The following NDST4 variants were observed in gnomAD, a reference collection of about 807,000 sequenced individuals.
NDST4 encodes N-heparan sulfate sulfotransferase 4.
In NDST4, 63 loss-of-function variants were observed where a neutral mutation model predicts 100.8. That is an observed-to-expected ratio of 0.62 (90% CI 0.51 to 0.77). The LOEUF is 0.77. Among genes scored for constraint, NDST4 ranks in the 30% least tolerant of loss-of-function variants. The pLI, the probability that NDST4 is intolerant of heterozygous loss-of-function variation, is 0.00. For missense variants in NDST4, 943 were observed against 1,018.4 expected, an observed-to-expected ratio of 0.93 and a Z score of 1.01; for synonymous variants, 377 against 361.8, an observed-to-expected ratio of 1.04 and a Z score of -0.48.
In NDST4 at chr4:114,841,615, C is replaced by A. The variant is rs552615072; in HGVS notation, c.2116-2067G>T. On this transcript the variant is annotated intron_variant, in intron 10 of 13. Transcript: ENST00000264363. ...ACTTAAATCTGCTCTAGATAGTGAC[C>A]ATGCTTTCTGCTAGGGAAATGTTTA... Among the ~76,000 whole-genome samples the A allele has an allele frequency of 2.0e-5, 3 of 152,236 alleles. No homozygotes were observed. The East Asian group carries it at 5.8e-4, about 29-fold the overall frequency.
At chr4:115,075,784 GAAAAAAA>G (rs56658909) in intron 2 of NDST4, among the ~76,000 whole-genome samples, 1 of 87,438 alleles carries the variant, frequency 1.1e-5, no homozygotes, top group Non-Finnish European at 2.0e-5. Context: ...AGTCTGTTCA[GAAAAAAA>G]AAAAAAAAAA....
intron 4 of NDST4, among the ~76,000 whole-genome samples, chr4:114,945,413 A>C (rs1018620269): frequency 1.3e-5 from 2 of 152,082 alleles, no homozygotes; most frequent in African/African-American, 4.8e-5. Context: ...TCCAGGAACT[A>C]TGGCTTGTAA....
intron 2 of NDST4, among the ~76,000 whole-genome samples, chr4:115,023,831 G>A (rs777305140): frequency 3.9e-5 from 6 of 152,080 alleles, no homozygotes; most frequent in Non-Finnish European, 7.4e-5. Flanking sequence ...TTTTATGACA[G>A]GCCCATGCTA....
At chr4:114,993,303 T>C (rs541905935) in intron 2 of NDST4, among the ~76,000 whole-genome samples, 1 of 152,032 alleles carries the variant, frequency 6.6e-6, no homozygotes, top group Admixed American at 6.6e-5. Flanking sequence ...TTGGACAATA[T>C]CTGTATTAGT....
rs530560259 is a variant in NDST4, at chr4:114,966,428, G to A, written c.1221+4002C>T. Among the ~76,000 whole-genome samples the A allele has an allele frequency of 5.3e-5, 8 of 150,814 alleles. No homozygotes were observed. In the South Asian group the frequency reaches 8.3e-4, roughly 16 times the overall value. On this transcript the variant is annotated intron_variant, in intron 4 of 13. Transcript: ENST00000264363. ...TTACAAGAGAAAACAAACTCCATCC[G>A]GAAACATTTCAGAGAAATTCCACAA... is the stretch of plus-strand genomic sequence containing the variant.
At chr4:114,859,169 C>T (rs1723865035) in intron 7 of NDST4, among the ~76,000 whole-genome samples, 1 of 152,202 alleles carries the variant, frequency 6.6e-6, no homozygotes, top group African/African-American at 2.4e-5. Context: ...CACAGCTTTT[C>T]TCCTAAAGAA....
chr4:115,014,494 G>C (rs1727631996), intron 2 of NDST4, among the ~76,000 whole-genome samples: 1 of 152,046 alleles, frequency 6.6e-6, no homozygotes, highest in Non-Finnish European at 1.5e-5. Context: ...TTGCATCAAT[G>C]TATTCCTCAC....
chr4:114,930,846 C>G (rs1725496673), intron 6 of NDST4, among the ~76,000 whole-genome samples: 1 of 151,958 alleles, frequency 6.6e-6, no homozygotes, highest in Admixed American at 6.6e-5. Context: ...CATTGTACAT[C>G]TATTTATAAC....
At chr4:114,885,669 A>G (rs1009719959) in intron 6 of NDST4, among the ~76,000 whole-genome samples, 6 of 152,142 alleles carry the variant, frequency 3.9e-5, no homozygotes, top group Non-Finnish European at 7.4e-5. Flanking sequence ...ATGAAAGGTC[A>G]TACAGGCAAC....
At chr4:114,860,304 T>C (rs953634924) in intron 7 of NDST4, among the ~76,000 whole-genome samples, 1 of 152,228 alleles carries the variant, frequency 6.6e-6, no homozygotes, top group African/African-American at 2.4e-5. Context: ...CAACTAACCA[T>C]ATTTTTCACT....
At chr4:115,018,463 A>T (rs920245375) in intron 2 of NDST4, among the ~76,000 whole-genome samples, 17 of 152,046 alleles carry the variant, frequency 1.1e-4, no homozygotes, top group African/African-American at 4.1e-4. Context: ...TTCTTTGCAA[A>T]CAATCTTACC....
rs1435524880 is a variant in NDST4, at chr4:115,021,230, TATATATATTCCAC to T, written c.979-43969_979-43957del. ...ATTCCATATATATATATATTCCACA[TATATATATTCCAC>T]ATATATATATTCCACATATATATAT... On this transcript the variant is annotated intron_variant, in intron 2 of 13. Coordinates refer to ENST00000264363, the MANE Select transcript of NDST4 (RefSeq NM_022569.3). 6.3e-3 allele frequency among the ~76,000 whole-genome samples: 821 copies of T among 130,904 alleles called. 10 individuals carry two copies. Among genetic ancestry groups the T allele is most frequent in the African/African-American group, 0.033 (733 of 22,190 alleles). The allele number at this position is 130,904 out of a possible 152,430, so 85.9% of individuals were successfully genotyped here.
At chr4:114,905,132 TC>T (rs1403381031) in intron 6 of NDST4, among the ~76,000 whole-genome samples, 1 of 149,850 alleles carries the variant, frequency 6.7e-6, no homozygotes, top group Non-Finnish European at 1.5e-5. Context: ...TAAAAATTCT[TC>T]CTTTTTTTTT....
At chr4:115,093,331 T>C (rs62315318) in intron 1 of NDST4, among the ~76,000 whole-genome samples, 7,120 of 151,834 alleles carry the variant, frequency 0.047, 266 homozygotes, top group Admixed American at 0.1. Context: ...AAAAGTTAGC[T>C]GGGCGTGGTG....
intron 4 of NDST4, among the ~76,000 whole-genome samples, chr4:114,943,531 A>G (rs1725797191): frequency 6.6e-6 from 1 of 152,200 alleles, no homozygotes; most frequent in African/African-American, 2.4e-5. Flanking sequence ...ATAGTCTTAC[A>G]TGAATATCTC....
chr4:114,927,948 T>A (rs1275210550), intron 6 of NDST4, among the ~76,000 whole-genome samples: 2 of 152,152 alleles, frequency 1.3e-5, no homozygotes, highest in Non-Finnish European at 2.9e-5. Context: ...AAAATGGTAG[T>A]CTCTGGATGA....
intron 6 of NDST4, among the ~76,000 whole-genome samples, chr4:114,906,878 G>A (rs1278936613): frequency 6.6e-6 from 1 of 151,954 alleles, no homozygotes; most frequent in Non-Finnish European, 1.5e-5. Flanking sequence ...TGTTTGTCAA[G>A]ATTGGACTCT....
chr4:114,885,932 A>G (rs1724467887), intron 6 of NDST4, among the ~76,000 whole-genome samples: 1 of 152,096 alleles, frequency 6.6e-6, no homozygotes, highest in African/African-American at 2.4e-5. Context: ...CAATCAAGTT[A>G]TAACTGAGCA....
At chr4:114,897,434 A>G (rs758854604) in intron 6 of NDST4, among the ~76,000 whole-genome samples, 1 of 152,094 alleles carries the variant, frequency 6.6e-6, no homozygotes, top group African/African-American at 2.4e-5. Context: ...ACTTAATAAT[A>G]TTTTACTGTC....
Sources: allele counts gnomAD v4.1 joint callset (sites outside exome capture counted in the v4.1 genomes callset), GRCh38; gene constraint gnomAD v4.1.1; transcripts MANE v1.5; gene names NCBI Gene and HGNC (gene_info 2026-07-23, HGNC 2026-07-21).